The following NEIL2 variants were observed in gnomAD, a reference collection of about 807,000 sequenced individuals.
NEIL2 encodes the protein nei like DNA glycosylase 2.
In NEIL2, 23 loss-of-function variants were observed where a neutral mutation model predicts 22.2. The ratio of observed to expected loss-of-function variants is 1.04; its 90% CI spans 0.75 to 1.47. NEIL2 has a LOEUF of 1.47. NEIL2 is among the 40% of genes most tolerant of loss of function. The probability of loss-of-function intolerance (pLI) is 0.00; values close to 1 mark genes in which losing one functional copy is unlikely to be tolerated. For synonymous variants in NEIL2, 229 were observed against 164.8 expected, an observed-to-expected ratio of 1.39 and a Z score of -2.99; for missense variants, 583 against 404.7, an observed-to-expected ratio of 1.44 and a Z score of -3.78.
At chr8:11,776,393 A>G (rs2130471109) in intron 2 of NEIL2, among the ~76,000 whole-genome samples, 1 of 152,322 alleles carries the variant, frequency 6.6e-6, no homozygotes, top group East Asian at 1.9e-4. Context: ...TTGGGTGGAG[A>G]CACAGCCAAA....
chr8:11,782,507 A>G (rs1424602912), intron 3 of NEIL2: 2 of 159,068 alleles, frequency 1.3e-5, no homozygotes, highest in Non-Finnish European at 1.4e-5. Context: ...CCTACCTTAT[A>G]TGTGCTCAGA....
rs201696641 is a variant in NEIL2, at chr8:11,783,281, C to T, written c.570C>T (p.Val190=). Residue 190 remains valine, a synonymous_variant, in exon 4 of 5, where the codon GTC becomes GTT. Transcript: ENST00000284503. ...TGTCTTGGAGCTCTTCCCCAGTGGTCACACCCACCTGTGACATCCTGTCTG... is the reference window on the plus strand; with the variant it reads ...TGTCTTGGAGCTCTTCCCCAGTGGTTACACCCACCTGTGACATCCTGTCTG... ...CQLSWSSSPV[V]TPTCDILSEK... 9.9e-6 allele frequency: 16 copies of T among 1,614,172 alleles called. No individual in the cohort carries two copies. Among genetic ancestry groups the T allele is most frequent in the East Asian group, 6.7e-5 (3 of 44,888 alleles).
In NEIL2 at chr8:11,786,276, A is replaced by T; in HGVS notation, c.*3A>T. The T allele has an allele frequency of 3.7e-6, 6 of 1,610,034 alleles. No homozygotes were observed. Among genetic ancestry groups the T allele is most frequent in the Non-Finnish European group, 4.2e-6 (5 of 1,179,400 alleles). On this transcript the variant is annotated 3_prime_UTR_variant, in exon 5 of 5. Coordinates refer to ENST00000284503, the MANE Select transcript of NEIL2 (RefSeq NM_145043.4). ...CAGAGCAGTGCCAGTTCTCCTAAGG[A>T]GCTGGTGGTGCTCCTCACGGAACCT... is the stretch of plus-strand genomic sequence containing the variant.
At chr8:11,778,943 GAAAAAAAAAA>G (rs57173797) in intron 2 of NEIL2, among the ~76,000 whole-genome samples, 11 of 44,498 alleles carry the variant, frequency 2.5e-4, no homozygotes, top group East Asian at 1.7e-3. Context: ...GACTCCATCT[GAAAAAAAAAA>G]AAAAAAAAAA....
intron 2 of NEIL2, among the ~76,000 whole-genome samples, chr8:11,778,310 T>A (rs922185290): frequency 3.2e-4 from 32 of 100,142 alleles, no homozygotes; most frequent in Middle Eastern, 5.0e-3. Flanking sequence ...TTTTTTTTTT[T>A]ATGTAGGTCA....
rs1441348632 is a variant in NEIL2, at chr8:11,786,033, T to G, written c.759T>G (p.Ser253Arg). ...IHPLSLGSVL[S>R]ASRREVLVDH... ...CCCTTTCTCTCGGTTCAGTCCTGAG[T>G]GCCTCGCGTCGGGAGGTCCTGGTGG... The change falls in exon 5 of 5, where the codon AGT (serine) becomes AGG (arginine). Residue 253 changes from serine (S) to arginine (R), a missense_variant. Transcript: ENST00000284503. 6.2e-7 allele frequency: 1 copy of G among 1,614,164 alleles called. No individual in the cohort carries two copies. The highest frequency in any genetic ancestry group is 8.5e-7 in the Non-Finnish European group (1 of 1,180,010).
chr8:11,784,043 T>C (rs965870889), intron 4 of NEIL2, among the ~76,000 whole-genome samples: 5 of 136,956 alleles, frequency 3.7e-5, no homozygotes, highest in Non-Finnish European at 6.3e-5. Context: ...GGCGTTCTTA[T>C]TACTCACAGT....
In NEIL2 at chr8:11,771,436, C is replaced by T. The variant is rs558446107; in HGVS notation, c.-2-10C>T. On this transcript the variant is annotated splice_polypyrimidine_tract_variant and intron_variant, in intron 1 of 4. Coordinates refer to ENST00000284503, the MANE Select transcript of NEIL2 (RefSeq NM_145043.4). Reference sequence around the variant, plus strand: ...AGTCGGTGGCCTCTTTTGCCCATTTCTGCCCACAGGGATGCCAGAAGGGCC... The same window carrying T: ...AGTCGGTGGCCTCTTTTGCCCATTTTTGCCCACAGGGATGCCAGAAGGGCC... The T allele has an allele frequency of 6.2e-6, 10 of 1,613,380 alleles. No homozygotes were observed. The highest frequency in any genetic ancestry group is 8.5e-6 in the Non-Finnish European group (10 of 1,180,014).
chr8:11,779,520 G>A, intron 2 of NEIL2, 78 bp from the exon 3 acceptor site: 1 of 1,163,600 alleles, frequency 8.6e-7, no homozygotes, highest in Non-Finnish European at 1.3e-6. Context: ...GAAGACCTTT[G>A]CAATAGGATA....
intron 2 of NEIL2, among the ~76,000 whole-genome samples, chr8:11,778,788 C>G (rs1804131586): frequency 6.6e-6 from 1 of 151,808 alleles, no homozygotes; most frequent in Non-Finnish European, 1.5e-5. Flanking sequence ...GTGGTCTCTG[C>G]TAAATATACA....
At chr8:11,782,821 T>C in intron 3 of NEIL2, 1 of 341,580 alleles carries the variant, frequency 2.9e-6, no homozygotes, top group South Asian at 2.5e-5. Context: ...AGCCACAGAG[T>C]GTGCTTGGAC....
At chr8:11,772,931 C>G (rs952645364) in intron 2 of NEIL2, among the ~76,000 whole-genome samples, 1 of 151,948 alleles carries the variant, frequency 6.6e-6, no homozygotes, top group African/African-American at 2.4e-5. Flanking sequence ...ACCCCCGCAA[C>G]ACACACACAC....
rs1804622968 is a variant in NEIL2 at position 11,783,418 on chromosome 8, G to C, written c.688+19G>C. On this transcript the variant is annotated intron_variant, in intron 4 of 4. Coordinates refer to ENST00000284503, the MANE Select transcript of NEIL2 (RefSeq NM_145043.4). The stretch of plus-strand genomic sequence containing the variant: ...GGGCTAGGTATGACTCATGGGAAAG[G>C]GGTGAGTCCACAGAGTTGCTTCATG... The C allele has an allele frequency of 6.2e-7, 1 of 1,606,194 alleles. No individual in the cohort carries two copies. Among genetic ancestry groups the C allele is most frequent in the South Asian group, 1.1e-5 (1 of 90,908 alleles).
At chr8:11,776,530 G>A (rs979013654) in intron 2 of NEIL2, among the ~76,000 whole-genome samples, 4 of 152,206 alleles carry the variant, frequency 2.6e-5, no homozygotes, top group South Asian at 2.1e-4. Flanking sequence ...TGGTGTAGAC[G>A]TATGTTTCCA....
Position 11,783,236 on chromosome 8 carries a change from G to A in NEIL2, c.525G>A (p.Leu175=). 1.2e-6 allele frequency: 2 copies of A among 1,614,244 alleles called. No individual in the cohort carries two copies. Among genetic ancestry groups the A allele is most frequent in the Non-Finnish European group, 1.7e-6 (2 of 1,180,048 alleles). The part of the protein sequence containing the change: ...LVLHFGGGGF[L]AFYNCQLSWS... ...TGCACTTTGGTGGTGGTGGCTTCCT[G>A]GCATTTTATAATTGTCAGTTGTCTT... Residue 175 remains leucine (L), a synonymous_variant, in exon 4 of 5, where the codon CTG becomes CTA. Transcript: ENST00000284503.
chr8:11,774,297 C>T (rs775983993), intron 2 of NEIL2, among the ~76,000 whole-genome samples: 6 of 151,632 alleles, frequency 4.0e-5, no homozygotes, highest in South Asian at 2.1e-4. Context: ...ATTGCTTGAA[C>T]CCAGGAGACA....
At chr8:11,782,255 C>A (rs1804490403) in intron 3 of NEIL2, among the ~76,000 whole-genome samples, 1 of 151,928 alleles carries the variant, frequency 6.6e-6, no homozygotes, top group South Asian at 2.1e-4. Context: ...AAACCCCCAT[C>A]TCTACTAAAA....
intron 2 of NEIL2, among the ~76,000 whole-genome samples, chr8:11,774,254 A>C (rs1163286145): frequency 6.6e-6 from 1 of 152,130 alleles, no homozygotes; most frequent in Non-Finnish European, 1.5e-5. Context: ...GGGCGCCTGT[A>C]ATCCCAGCTA....
chr8:11,786,124 C>T lies in NEIL2; in HGVS notation c.850C>T (p.Gln284Ter), dbSNP rs759106676. 6.2e-7 allele frequency: 1 copy of T among 1,614,010 alleles called. No homozygotes were observed. The highest frequency in any genetic ancestry group is 1.3e-5 in the African/African-American group (1 of 74,914). ...GTTCCAAGGCAGACCGCAGCACACA[C>T]AGGTCTACCAGAAAGAACAGTGCCC... ...GKFQGRPQHT[Q>*]VYQKEQCPAG... Residue 284 changes from glutamine to a stop codon, truncating the protein, a stop_gained, in exon 5 of 5, where the codon CAG becomes TAG. Transcript: ENST00000284503. LOFTEE classifies it low-confidence loss of function (END_TRUNC).
Sources: gnomAD v4.1 joint callset for allele counts (sites outside exome capture counted in the v4.1 genomes callset) on GRCh38, gnomAD v4.1.1 for gene constraint, MANE v1.5 for transcripts, NCBI Gene and HGNC (gene_info 2026-07-23, HGNC 2026-07-21) for gene names.